EVC2: variants seen among roughly 807,000 people sequenced by gnomAD.
EVC2 encodes the protein limbin.
EVC2 carries 148 observed loss-of-function variants against 149.3 expected under a neutral mutation model. The observed-to-expected ratio is 0.99, with a 90% CI of 0.87 to 1.14. The LOEUF is 1.14. Among genes scored for constraint, EVC2 ranks in the 50% most tolerant of loss-of-function variants. EVC2 has a pLI of 0.00. For synonymous variants in EVC2, 776 were observed against 649.9 expected (o/e 1.19, Z -2.95); for missense variants, 1,854 against 1,627.3 (o/e 1.14, Z -2.40).
At position 5,618,666 on chromosome 4, in the gene EVC2, C is replaced by T. The variant is rs2108833529; in HGVS notation, c.2518G>A (p.Val840Ile). The change falls in exon 15 of 22, where the codon GTC becomes ATC. Residue 840 changes from valine (V) to isoleucine (I), a missense_variant. Val to Ile is a conservative substitution (Grantham distance 29, BLOSUM62 3). Coordinates refer to ENST00000344408, the MANE Select transcript of EVC2 (RefSeq NM_147127.5). The surrounding 1 kb of genome is among the most constrained non-coding windows in gnomAD (Gnocchi z 4.4). ...AGCTCCTCTTCAGACAGGGAGAAGA[C>T]TGAGGAGCAGAGCTTCCTGGGAGGA... is the stretch of plus-strand genomic sequence containing the variant. The part of the protein sequence containing the change: ...HLIFMKLCSS[V>I]FSLSEEELLR... 1 of 1,603,662 alleles carries T rather than the reference C, an allele frequency of 6.2e-7. No individual in the cohort carries two copies. The highest frequency in any genetic ancestry group is 8.5e-7 in the Non-Finnish European group (1 of 1,174,898).
intron 16 of EVC2, among the ~76,000 whole-genome samples, chr4:5,598,513 C>T (rs1713665615): frequency 1.3e-5 from 2 of 152,186 alleles, no homozygotes; most frequent in Admixed American, 1.3e-4. Context: ...ACTGGCTAGT[C>T]ATATGGAAAA....
intron 20 of EVC2, among the ~76,000 whole-genome samples, chr4:5,566,432 G>A (rs1722292953): frequency 6.6e-6 from 1 of 152,154 alleles, no homozygotes; most frequent in Non-Finnish European, 1.5e-5. Flanking sequence ...GTGCTTCCCT[G>A]GCCCTGCCCT....
intron 7 of EVC2, among the ~76,000 whole-genome samples, chr4:5,676,475 C>G (rs1354264417): frequency 6.6e-6 from 1 of 152,222 alleles, no homozygotes; most frequent in Non-Finnish European, 1.5e-5. Flanking sequence ...ATCGCCATCA[C>G]ACCTGTCTGG....
At chr4:5,547,831 A>G (rs1721651077) in intron 21 of EVC2, among the ~76,000 whole-genome samples, 1 of 152,168 alleles carries the variant, frequency 6.6e-6, no homozygotes, top group Admixed American at 6.5e-5. Flanking sequence ...GTGGTTGAAG[A>G]GAAGAGAAGA....
chr4:5,695,649 T>C (rs150106006), intron 2 of EVC2, among the ~76,000 whole-genome samples: 2 of 152,352 alleles, frequency 1.3e-5, no homozygotes, highest in African/African-American at 4.8e-5. Context: ...ACACTGCACA[T>C]GAAAGTGCTT....
intron 4 of EVC2, among the ~76,000 whole-genome samples, chr4:5,690,741 C>T (rs1036801655): frequency 2.0e-5 from 3 of 152,162 alleles, no homozygotes; most frequent in Non-Finnish European, 2.9e-5. Flanking sequence ...CTGGGCTCTG[C>T]GACATTCACC....
At chr4:5,644,879 A>G (rs571441206) in intron 9 of EVC2, among the ~76,000 whole-genome samples, 2 of 152,328 alleles carry the variant, frequency 1.3e-5, no homozygotes, top group Admixed American at 6.5e-5. Context: ...TTTATGGTTG[A>G]AAAACATTCC....
intron 21 of EVC2, among the ~76,000 whole-genome samples, chr4:5,555,000 T>C (rs1721807246): frequency 7.0e-6 from 1 of 143,568 alleles, no homozygotes; most frequent in Admixed American, 7.0e-5. Flanking sequence ...TTGCATTAGA[T>C]AACTAGAGAG....
chr4:5,565,333 A>G lies in EVC2; in HGVS notation c.3584T>C (p.Leu1195Ser), dbSNP rs746963511. Reference sequence around the variant, plus strand: ...CAGATCTCCTCGCAGTTTGCCATCTAAGGCTTGCCACCAGCTCTGGTGTTT... The same window carrying G: ...CAGATCTCCTCGCAGTTTGCCATCTGAGGCTTGCCACCAGCTCTGGTGTTT... ...RRKHQSWWQA[L>S]DGKLRGDLIS... Residue 1195 changes from leucine to serine, a missense_variant, in exon 21 of 22, where the codon TTA (leucine) becomes TCA (serine). By Grantham distance (145) the Leu-to-Ser change is moderately radical. Transcript: ENST00000344408. 7 of 1,614,044 alleles carry G rather than the reference A, an allele frequency of 4.3e-6. No homozygotes were observed. Among genetic ancestry groups the G allele is most frequent in the Non-Finnish European group, 5.1e-6 (6 of 1,179,992 alleles).
intron 7 of EVC2, among the ~76,000 whole-genome samples, chr4:5,666,500 C>G (rs1267741847): frequency 1.3e-5 from 2 of 152,146 alleles, no homozygotes; most frequent in African/African-American, 4.8e-5. Context: ...CCTTGTGTGA[C>G]TTTTTGTTTT....
Position 5,657,744 on chromosome 4 carries a change from G to GAAA in EVC2, c.1145+5360_1145+5362dup, listed in dbSNP as rs112508625. Among the ~76,000 whole-genome samples the GAAA allele has an allele frequency of 1.4e-5, 2 of 145,932 alleles. No homozygotes were observed. Among genetic ancestry groups the GAAA allele is most frequent in the African/African-American group, 2.5e-5 (1 of 39,632 alleles). On this transcript the variant is annotated intron_variant, in intron 9 of 21. Coordinates refer to ENST00000344408, the MANE Select transcript of EVC2 (RefSeq NM_147127.5). This position sits in a 1 kb window ranked among gnomAD's most constrained non-coding sequence, Gnocchi z 4.7. The stretch of plus-strand genomic sequence containing the variant: ...AATACAACAACATTAATTTGAAAAA[G>GAAA]AAAAAAAAAAAAGGTAGTTTCCGGC...
chr4:5,690,867 T>C (rs767529921), intron 4 of EVC2, among the ~76,000 whole-genome samples: 9 of 152,190 alleles, frequency 5.9e-5, no homozygotes, highest in Non-Finnish European at 1.3e-4. Flanking sequence ...CTAAGGCAGG[T>C]GCTGGAGACC....
intron 21 of EVC2, among the ~76,000 whole-genome samples, chr4:5,550,763 G>A (rs566686349): frequency 1.3e-5 from 2 of 152,342 alleles, no homozygotes; most frequent in East Asian, 3.9e-4. Flanking sequence ...CAGGCCTGGA[G>A]GCTTAGGAAG....
At chr4:5,552,808 C>A (rs1721765726) in intron 21 of EVC2, among the ~76,000 whole-genome samples, 1 of 152,094 alleles carries the variant, frequency 6.6e-6, no homozygotes, top group South Asian at 2.1e-4. Flanking sequence ...GAAGAGGAAG[C>A]CGAGGTAGAG....
chr4:5,665,850 C>T (rs1194626394), intron 7 of EVC2, among the ~76,000 whole-genome samples: 57 of 152,332 alleles, frequency 3.7e-4, no homozygotes, highest in Admixed American at 3.7e-3. Context: ...CAGTGCATGA[C>T]AAGCCTGTCA....
chr4:5,590,680 T>A (rs140667622), intron 16 of EVC2, among the ~76,000 whole-genome samples: 41 of 152,176 alleles, frequency 2.7e-4, no homozygotes, highest in Admixed American at 5.2e-4. Flanking sequence ...TTTAGTGTCC[T>A]CTTCTTCACA....
Position 5,584,842 on chromosome 4 carries a change from A to G in EVC2, c.2838T>C (p.Gly946=), listed in dbSNP as rs764538071. Residue 946 remains glycine (G), a synonymous_variant, in exon 17 of 22, where the codon GGT becomes GGC. Transcript: ENST00000344408. Reference sequence around the variant, plus strand: ...GCTGCACTCTCTCCCGCAGCAATTCACCTCGAACCTGGGAGGGGACAGGGA... The same window carrying G: ...GCTGCACTCTCTCCCGCAGCAATTCGCCTCGAACCTGGGAGGGGACAGGGA... The part of the protein sequence containing the change: ...ASEDLVEKVR[G]ELLRERVQRM... 1.2e-6 allele frequency: 2 copies of G among 1,614,044 alleles called. No homozygotes were observed. The highest frequency in any genetic ancestry group is 1.7e-6 in the Non-Finnish European group (2 of 1,180,020).
intron 16 of EVC2, among the ~76,000 whole-genome samples, chr4:5,595,503 C>T (rs998854766): frequency 1.2e-4 from 19 of 152,122 alleles, no homozygotes; most frequent in African/African-American, 4.6e-4. Flanking sequence ...AAATACTTTA[C>T]AGACAAGCAA....
chr4:5,550,358 G>A (rs1285113010), intron 21 of EVC2, among the ~76,000 whole-genome samples: 1 of 152,166 alleles, frequency 6.6e-6, no homozygotes, highest in African/African-American at 2.4e-5. Flanking sequence ...ATGGAGATGA[G>A]GAACCTGTTG....
Sources: gnomAD v4.1 joint callset for allele counts (sites outside exome capture counted in the v4.1 genomes callset) on GRCh38, gnomAD v4.1.1 for gene constraint, Gnocchi (gnomAD v3.1) non-coding constraint, MANE v1.5 for transcripts, NCBI Gene and HGNC (gene_info 2026-07-23, HGNC 2026-07-21) for gene names.